The following BCO1 variants were observed in gnomAD, a reference collection of about 807,000 sequenced individuals.
BCO1 encodes beta,beta-carotene 15,15'-dioxygenase.
Under a neutral mutation model 56.3 loss-of-function variants are expected in BCO1, and 54 were observed. That is an observed-to-expected ratio of 0.96 (90% CI 0.77 to 1.20). The LOEUF is 1.20. Among genes scored for constraint, BCO1 ranks in the 50% most tolerant of loss-of-function variants. The pLI, the probability that BCO1 is intolerant of heterozygous loss-of-function variation, is 0.00. For synonymous variants in BCO1, 318 were observed against 266.1 expected (o/e 1.20, Z -1.90); for missense variants, 801 against 690.9 (o/e 1.16, Z -1.79).
rs769523486 is a variant in BCO1, at chr16:81,262,120, T to G, written c.324-16T>G. The stretch of plus-strand genomic sequence containing the variant: ...GGACATAGCCACTGACTCTGTTGAT[T>G]TGCTTTTCTCCCCAGAGCTTTCTCC... On this transcript the variant is annotated splice_polypyrimidine_tract_variant and intron_variant, in intron 3 of 10. Coordinates refer to ENST00000258168, the MANE Select transcript of BCO1 (RefSeq NM_017429.3). 1 of 1,613,074 alleles carries G rather than the reference T, an allele frequency of 6.2e-7. No homozygotes were observed. Among genetic ancestry groups the G allele is most frequent in the South Asian group, 1.1e-5 (1 of 91,064 alleles).
intron 7 of BCO1, among the ~76,000 whole-genome samples, chr16:81,271,993 C>T (rs976701901): frequency 1.3e-5 from 2 of 152,108 alleles, no homozygotes; most frequent in Non-Finnish European, 2.9e-5. Flanking sequence ...GCAATCTGCC[C>T]CCCTACGTCT....
chr16:81,262,434 C>A lies in BCO1; in HGVS notation c.471+151C>A, dbSNP rs557388047. ...ATCCCGTGCCCTAGCGCCACACTTACTGCTAGATGCTAGGCAGGGACTGTG... is the reference window on the plus strand; with the variant it reads ...ATCCCGTGCCCTAGCGCCACACTTAATGCTAGATGCTAGGCAGGGACTGTG... On this transcript the variant is annotated intron_variant, in intron 4 of 10. Transcript: ENST00000258168. 101 of 771,670 alleles carry A rather than the reference C, an allele frequency of 1.3e-4. 1 individual carries two copies. The African/African-American group carries it at 1.4e-3, about 10-fold the overall frequency. 47.8% of individuals were successfully genotyped at this position (771,670 alleles called of 1,614,324 possible).
At chr16:81,281,137 A>G (rs1028835042) in intron 8 of BCO1, among the ~76,000 whole-genome samples, 175 bp downstream of exon 8, 1 of 152,008 alleles carries the variant, frequency 6.6e-6, no homozygotes, top group Non-Finnish European at 1.5e-5. Flanking sequence ...TCTATCTTCA[A>G]ATGCTTCCTA....
chr16:81,262,043 T>G (rs1025671846), intron 3 of BCO1, 93 bp from the exon 4 acceptor site: 95 of 1,489,466 alleles, frequency 6.4e-5, no homozygotes, highest in Non-Finnish European at 7.8e-5. Context: ...GTAAAGCATT[T>G]TTAAGTGGTA....
chr16:81,254,797 G>A (rs1378474630), intron 2 of BCO1, among the ~76,000 whole-genome samples: 4 of 152,080 alleles, frequency 2.6e-5, no homozygotes, highest in Admixed American at 1.3e-4. Flanking sequence ...GGGCTGCTCT[G>A]GTCCTGTTTC....
In BCO1 at chr16:81,268,216, A is replaced by G. The variant is rs1478262220; in HGVS notation, c.843+85A>G. ...GTGCAGGAGGGTGAAGTTTAAGGCA[A>G]GGAAGTGGCATGGAAGAGGGAGGAG... On this transcript the variant is annotated intron_variant, in intron 6 of 10. Transcript: ENST00000258168. The G allele has an allele frequency of 9.5e-6, 12 of 1,266,882 alleles. No homozygotes were observed. In the South Asian group the frequency reaches 1.2e-4, roughly 13 times the overall value. 78.5% of individuals were successfully genotyped at this position (1,266,882 alleles called of 1,614,324 possible).
chr16:81,252,945 G>C (rs763553440), intron 2 of BCO1, among the ~76,000 whole-genome samples: 8 of 151,952 alleles, frequency 5.3e-5, no homozygotes, highest in South Asian at 2.1e-4. Flanking sequence ...CCCCTCTCTA[G>C]TAAAAATACA....
At chr16:81,271,692 C>G (rs1172320956) in intron 7 of BCO1, among the ~76,000 whole-genome samples, 1 of 152,136 alleles carries the variant, frequency 6.6e-6, no homozygotes, top group Non-Finnish European at 1.5e-5. Flanking sequence ...GTTGTCAAGG[C>G]TCATCTGTGT....
intron 1 of BCO1, among the ~76,000 whole-genome samples, chr16:81,239,455 T>A (rs895324163): frequency 2.6e-5 from 4 of 152,244 alleles, no homozygotes; most frequent in African/African-American, 4.8e-5. Context: ...CTTTTACACA[T>A]TATAACTCCG....
intron 6 of BCO1, 40 bp from the exon 7 acceptor site, chr16:81,270,119 G>A: frequency 1.2e-6 from 2 of 1,613,208 alleles, no homozygotes; most frequent in Non-Finnish European, 1.7e-6. Context: ...GCCAGGCTGA[G>A]AGAGGGTGAG....
intron 1 of BCO1, among the ~76,000 whole-genome samples, chr16:81,242,646 G>A (rs534800864): frequency 6.6e-6 from 1 of 152,004 alleles, no homozygotes; most frequent in South Asian, 2.1e-4. Context: ...TGGTCTTCCT[G>A]CCTCTCTCAG....
Position 81,256,967 on chromosome 16 carries a change from G to A in BCO1, c.194-2709G>A, listed in dbSNP as rs1292223645. Among the ~76,000 whole-genome samples the A allele has an allele frequency of 4.6e-5, 7 of 151,506 alleles. No homozygotes were observed. In the South Asian group the frequency reaches 1.0e-3, roughly 22 times the overall value. ...CATTTCCCAATTTCATTTCACTCCT[G>A]TCCTCCAAATCCCTCTCTAATGTTC... On this transcript the variant is annotated intron_variant, in intron 2 of 10. Transcript: ENST00000258168.
chr16:81,253,852 A>C (rs1323629237), intron 2 of BCO1, among the ~76,000 whole-genome samples: 1 of 152,126 alleles, frequency 6.6e-6, no homozygotes, highest in African/African-American at 2.4e-5. Context: ...AGTCCCAGTT[A>C]CTTGGGAAAC....
At chr16:81,245,854 T>TC (rs1427814197) in intron 2 of BCO1, among the ~76,000 whole-genome samples, 2 of 52,478 alleles carry the variant, frequency 3.8e-5, no homozygotes, top group Non-Finnish European at 3.5e-5. Flanking sequence ...TCTGTCTTTT[T>TC]TTTTTTTTTT....
At position 81,267,954 on chromosome 16, in the gene BCO1, C is replaced by G. The variant is rs1250460901; in HGVS notation, c.666C>G (p.Phe222Leu). The change falls in exon 6 of 11, where the codon TTC (phenylalanine) becomes TTG (leucine). Residue 222 changes from phenylalanine to leucine, a missense_variant. By Grantham distance (22) the Phe-to-Leu change is conservative (BLOSUM62 0). Coordinates refer to ENST00000258168, the MANE Select transcript of BCO1 (RefSeq NM_017429.3). ...GKSPWKHTEVFCSIPSRSLLS... is the reference protein window; with the variant it reads ...GKSPWKHTEVLCSIPSRSLLS... Reference sequence around the variant, plus strand: ...GCCCCTGGAAGCACACAGAGGTGTTCTGCTCCATCCCATCCCGCTCCCTGC... The same window carrying G: ...GCCCCTGGAAGCACACAGAGGTGTTGTGCTCCATCCCATCCCGCTCCCTGC... 22 of 1,613,840 alleles carry G rather than the reference C, an allele frequency of 1.4e-5. No individual in the cohort carries two copies. Among genetic ancestry groups the G allele is most frequent in the Non-Finnish European group, 1.8e-5 (21 of 1,180,030 alleles).
At chr16:81,253,693 G>A (rs774652577) in intron 2 of BCO1, among the ~76,000 whole-genome samples, 17 of 152,284 alleles carry the variant, frequency 1.1e-4, no homozygotes, top group South Asian at 2.1e-4. Flanking sequence ...GCTGGGCACC[G>A]TGCCTCACAC....
chr16:81,285,497 C>A (rs1908126626), intron 8 of BCO1, 43 bp from the exon 9 acceptor site: 1 of 1,409,194 alleles, frequency 7.1e-7, no homozygotes, highest in Non-Finnish European at 1.0e-6. Context: ...TGCTCCCAGC[C>A]CCCAATGATA....
At chr16:81,278,597 G>C (rs1340197884) in intron 7 of BCO1, among the ~76,000 whole-genome samples, 1 of 152,204 alleles carries the variant, frequency 6.6e-6, no homozygotes, top group Non-Finnish European at 1.5e-5. Context: ...GCTTCATAAA[G>C]GAGATAATTA....
At chr16:81,285,350 G>T (rs1478282246) in intron 8 of BCO1, among the ~76,000 whole-genome samples, 190 bp from the exon 9 acceptor site, 1 of 152,044 alleles carries the variant, frequency 6.6e-6, no homozygotes, top group African/African-American at 2.4e-5. Context: ...ATAGAGCTGG[G>T]GTAATTAAAT....
Sources: allele counts gnomAD v4.1 joint callset (sites outside exome capture counted in the v4.1 genomes callset), GRCh38; gene constraint gnomAD v4.1.1; transcripts MANE v1.5; gene names NCBI Gene and HGNC (gene_info 2026-07-23, HGNC 2026-07-21).